The following XPNPEP2 variants were observed in gnomAD, a reference collection of about 807,000 sequenced individuals.
XPNPEP2 encodes the protein X-prolyl aminopeptidase 2.
In XPNPEP2, 64 loss-of-function variants were observed where a neutral mutation model predicts 59.8. The observed-to-expected ratio is 1.07, with a 90% CI of 0.87 to 1.32. XPNPEP2 has a LOEUF of 1.32. Among genes scored for constraint, XPNPEP2 ranks in the 40% most tolerant of loss-of-function variants. XPNPEP2 has a pLI of 0.00. For missense variants in XPNPEP2, 575 were observed against 546.8 expected, an observed-to-expected ratio of 1.05 and a Z score of -0.51; for synonymous variants, 235 against 210.0, an observed-to-expected ratio of 1.12 and a Z score of -1.03.
At position 129,759,182 on chromosome X, in the gene XPNPEP2, A is replaced by G; in HGVS notation, c.1370A>G (p.Asp457Gly). The part of the protein sequence containing the change: ...YLLDSGGQYW[D>G]GTTDITRTVH... ...ATGTTGGTTTTCCTTCTCCATAGGG[A>G]CGGGACCACAGACATCACCAGAACA... Residue 457 changes from aspartate (D) to glycine (G), a missense_variant and splice_region_variant, in exon 15 of 21, where the codon GAC becomes GGC. Physicochemically the swap from Asp to Gly is moderately conservative, Grantham distance 94. Coordinates refer to ENST00000371106, the MANE Select transcript of XPNPEP2 (RefSeq NM_003399.6). 8.3e-7 allele frequency: 1 copy of G among 1,211,082 alleles called. No individual in the cohort carries two copies. The highest frequency in any genetic ancestry group is 3.0e-5 in the East Asian group (1 of 33,818).
intron 3 of XPNPEP2, among the ~76,000 whole-genome samples, chrX:129,744,670 G>A (rs1926261552): frequency 8.9e-6 from 1 of 112,104 alleles, no homozygotes; most frequent in Non-Finnish European, 1.9e-5. Context: ...AAGAACGTTG[G>A]GTAAGTATCT....
chrX:129,742,816 T>G (rs1049877035), intron 2 of XPNPEP2, among the ~76,000 whole-genome samples: 1 of 111,577 alleles, frequency 9.0e-6, no homozygotes, highest in Non-Finnish European at 1.9e-5. Flanking sequence ...GCAGAAGAAT[T>G]GCTTGAACCC....
intron 14 of XPNPEP2, among the ~76,000 whole-genome samples, chrX:129,757,885 GAGAGAGAGAGAA>G (rs1338153974): frequency 2.4e-5 from 2 of 81,956 alleles, no homozygotes; most frequent in African/African-American, 1.1e-4. Flanking sequence ...GAGAGAGAGA[GAGAGAGAGAGAA>G]AGAAAGAAAG....
At chrX:129,759,121 G>A in intron 14 of XPNPEP2, 59 bp from the exon 15 acceptor site, 2 of 1,190,594 alleles carry the variant, frequency 1.7e-6, no homozygotes, top group Non-Finnish European at 2.3e-6. Context: ...CACACAGAAA[G>A]CACATGGCCC....
At chrX:129,761,460 G>A (rs915715809) in intron 17 of XPNPEP2, among the ~76,000 whole-genome samples, 184 bp downstream of exon 17, 1 of 111,969 alleles carries the variant, frequency 8.9e-6, no homozygotes, top group Non-Finnish European at 1.9e-5. Flanking sequence ...TGGCTGCTTG[G>A]CATTCAAGAG....
intron 14 of XPNPEP2, among the ~76,000 whole-genome samples, chrX:129,757,073 T>TACACACACACACACACACACAC (rs752092311): frequency 5.3e-4 from 44 of 83,685 alleles, no homozygotes; most frequent in African/African-American, 1.8e-3. Context: ...TACACACACA[T>TACACACACACACACACACACAC]ACACACACAC....
chrX:129,746,556 T>G, intron 5 of XPNPEP2, 39 bp from the exon 6 acceptor site: 4 of 1,177,213 alleles, frequency 3.4e-6, no homozygotes, highest in Non-Finnish European at 4.6e-6. Context: ...GGGCTGGCCC[T>G]GAAGGTGACC....
intron 14 of XPNPEP2, among the ~76,000 whole-genome samples, chrX:129,757,891 GAGAGAAAGAAAGAAAGAA>G (rs1386142058): frequency 0.038 from 2,592 of 67,958 alleles, 66 homozygotes; most frequent in African/African-American, 0.07. Context: ...GAGAGAGAGA[GAGAGAAAGAAAGAAAGAA>G]AGAAAGAAAG....
chrX:129,757,807 GAAAGA>G (rs1926557973), intron 14 of XPNPEP2, among the ~76,000 whole-genome samples: 1 of 72,351 alleles, frequency 1.4e-5, no homozygotes, highest in Non-Finnish European at 2.6e-5. Context: ...AAGAAAGAAA[GAAAGA>G]AAGAAAGAAA....
At position 129,752,167 on chromosome X, in the gene XPNPEP2, G is replaced by A. The variant is rs1313849829; in HGVS notation, c.839G>A (p.Ser280Asn). The A allele has an allele frequency of 8.3e-7, 1 of 1,209,514 alleles. No homozygotes were observed. Among genetic ancestry groups the A allele is most frequent in the East Asian group, 3.0e-5 (1 of 33,779 alleles). The change falls in exon 10 of 21, where the codon AGT (serine) becomes AAT (asparagine). Residue 280 changes from serine to asparagine, a missense_variant. Coordinates refer to ENST00000371106, the MANE Select transcript of XPNPEP2 (RefSeq NM_003399.6). The stretch of plus-strand genomic sequence containing the variant: ...CCACCCAGGTTGTTTGCAAACAAGA[G>A]TCGCTTTAGCTCCGAAACCTTGAGC... ...DSSIRLFANK[S>N]RFSSETLSYL...
intron 19 of XPNPEP2, among the ~76,000 whole-genome samples, chrX:129,764,403 C>T (rs1287828309): frequency 9.0e-6 from 1 of 110,625 alleles, no homozygotes; most frequent in East Asian, 2.8e-4. Flanking sequence ...TGCCTGTAAT[C>T]CCAGCACTTT....
Position 129,757,893 on chromosome X carries a change from GAGAAAGAAAGAAAGAAAGAAAGAA to G in XPNPEP2, c.1368-1241_1368-1218del, listed in dbSNP as rs558575574. Among the ~76,000 whole-genome samples, 427 of 51,768 alleles carry G rather than the reference GAGAAAGAAAGAAAGAAAGAAAGAA, an allele frequency of 8.2e-3. 1 individual carries two copies. Among genetic ancestry groups the G allele is most frequent in the Non-Finnish European group, 0.011 (322 of 30,481 alleles). The allele number at this position is 51,768 out of a possible 115,157, so 45.0% of individuals were successfully genotyped here. ...AGAGAAAGAGAGAGAGAGAGAGAGAGAGAAAGAAAGAAAGAAAGAAAGAAAGAAAGAAAGAAAGAAAGAAAGAAA... is the reference window on the plus strand; with the variant it reads ...AGAGAAAGAGAGAGAGAGAGAGAGAGAGAAAGAAAGAAAGAAAGAAAGAAA... On this transcript the variant is annotated intron_variant, in intron 14 of 20. Transcript: ENST00000371106.
chrX:129,768,767 C>A lies in XPNPEP2; in HGVS notation c.*282C>A, dbSNP rs1602916685. The A allele has an allele frequency of 4.1e-6, 1 of 245,175 alleles. No individual in the cohort carries two copies. Among genetic ancestry groups the A allele is most frequent in the Admixed American group, 6.2e-5 (1 of 16,014 alleles). 20.2% of individuals were successfully genotyped at this position (245,175 alleles called of 1,213,427 possible). A position where few individuals can be genotyped will look rare whatever the true frequency, so the allele number is the denominator to read the frequency against. On this transcript the variant is annotated 3_prime_UTR_variant, in exon 21 of 21. Coordinates refer to ENST00000371106, the MANE Select transcript of XPNPEP2 (RefSeq NM_003399.6). Reference sequence around the variant, plus strand: ...ATAGGAAAGCCAGCTAGTCTCTTCTCTTCTGTGATCTCAGTAGGCCTAACC... The same window carrying A: ...ATAGGAAAGCCAGCTAGTCTCTTCTATTCTGTGATCTCAGTAGGCCTAACC...
At position 129,760,595 on chromosome X, in the gene XPNPEP2, A is replaced by G. The variant is rs1216473961; in HGVS notation, c.1498+14A>G. On this transcript the variant is annotated intron_variant, in intron 16 of 20. Transcript: ENST00000371106. ...CTGCTACATCAGGTGGGTTTCAGAA[A>G]CCAGTCTGGACACAGCCTCAGGCCC... 4.1e-6 allele frequency: 5 copies of G among 1,205,037 alleles called. No individual in the cohort carries two copies. In the African/African-American group the frequency reaches 8.7e-5, roughly 21 times the overall value.
intron 17 of XPNPEP2, among the ~76,000 whole-genome samples, chrX:129,761,693 A>G (rs1472707466): frequency 8.9e-6 from 1 of 111,912 alleles, no homozygotes; most frequent in Non-Finnish European, 1.9e-5. Flanking sequence ...GTATGGTGGC[A>G]TGTGCCTGTA....
chrX:129,764,971 A>T (rs1432342521), intron 19 of XPNPEP2, among the ~76,000 whole-genome samples: 1 of 112,089 alleles, frequency 8.9e-6, no homozygotes, highest in Non-Finnish European at 1.9e-5. Context: ...CTCTAAAAAA[A>T]GAAGAAGGAA....
Position 129,742,194 on chromosome X carries a change from TGCCCCCCGCGCACGGCCCCCCTG to T in XPNPEP2, c.123+19_123+41del. The T allele has an allele frequency of 1.2e-6, 1 of 837,027 alleles. No homozygotes were observed. Among genetic ancestry groups the T allele is most frequent in the Non-Finnish European group, 1.5e-6 (1 of 650,113 alleles). 69.0% of individuals were successfully genotyped at this position (837,027 alleles called of 1,213,427 possible). A position where few individuals can be genotyped will look rare whatever the true frequency, so the allele number is the denominator to read the frequency against. On this transcript the variant is annotated intron_variant, in intron 2 of 20. Coordinates refer to ENST00000371106, the MANE Select transcript of XPNPEP2 (RefSeq NM_003399.6). ...CACCAACCCCCCTGTGAGTGCCCCC[TGCCCCCCGCGCACGGCCCCCCTG>T]GCCCCACGCACCCCCCCACCCCTGC...
At chrX:129,752,807 T>G (rs1210613304) in intron 10 of XPNPEP2, among the ~76,000 whole-genome samples, 2 of 112,389 alleles carry the variant, frequency 1.8e-5, no homozygotes, top group African/African-American at 6.5e-5. Flanking sequence ...TGTCATGATA[T>G]GTACAGGAAA....
In XPNPEP2 at chrX:129,767,743, T is replaced by C. The variant is rs763746172; in HGVS notation, c.1830+51T>C. 7.0e-6 allele frequency: 8 copies of C among 1,150,327 alleles called. No individual in the cohort carries two copies. In the Admixed American group the frequency reaches 1.8e-4, roughly 25 times the overall value. The allele number at this position is 1,150,327 out of a possible 1,213,427, so 94.8% of individuals were successfully genotyped here. On this transcript the variant is annotated intron_variant, in intron 20 of 20. Transcript: ENST00000371106. ...TCCCTGACCCTGGGCCTTTCCTGCC[T>C]CTGCTACCTGCCACCACATCCTCTG...
Sources: allele counts gnomAD v4.1 joint callset (sites outside exome capture counted in the v4.1 genomes callset), GRCh38; gene constraint gnomAD v4.1.1; transcripts MANE v1.5; gene names NCBI Gene and HGNC (gene_info 2026-07-23, HGNC 2026-07-21).